The following GPC6 variants were observed in gnomAD, a reference collection of about 807,000 sequenced individuals.
GPC6 encodes the protein glypican 6.
Under a neutral mutation model 55.2 loss-of-function variants are expected in GPC6, and 14 were observed. The ratio of observed to expected loss-of-function variants is 0.25; its 90% CI spans 0.17 to 0.40. The LOEUF is 0.40. GPC6 is among the 10% of genes least tolerant of loss of function. The pLI is 1.00. For synonymous variants in GPC6, 278 were observed against 259.6 expected (o/e 1.07, Z -0.68); for missense variants, 641 against 708.5 (o/e 0.90, Z 1.08).
At chr13:94,087,259 C>A (rs1406904094) in intron 4 of GPC6, among the ~76,000 whole-genome samples, 1 of 152,142 alleles carries the variant, frequency 6.6e-6, no homozygotes, top group Non-Finnish European at 1.5e-5. Flanking sequence ...AGGGCGGAGA[C>A]CTGCAAGCCA....
At chr13:93,375,280 G>T (rs1464489777) in intron 1 of GPC6, among the ~76,000 whole-genome samples, 1 of 152,182 alleles carries the variant, frequency 6.6e-6, no homozygotes, top group African/African-American at 2.4e-5. Flanking sequence ...GCCTTTGTGT[G>T]CGGTAATGTA....
intron 2 of GPC6, among the ~76,000 whole-genome samples, chr13:93,614,891 T>C (rs1878649887): frequency 6.6e-6 from 1 of 152,108 alleles, no homozygotes; most frequent in Non-Finnish European, 1.5e-5. Flanking sequence ...TCTTGCTCAT[T>C]GCTTTTTTTT....
chr13:94,353,274 G>C (rs1278272038), intron 6 of GPC6, among the ~76,000 whole-genome samples: 1 of 151,926 alleles, frequency 6.6e-6, no homozygotes, highest in Non-Finnish European at 1.5e-5. Context: ...AAATGAGTGC[G>C]GCTTTGCATT....
intron 1 of GPC6, among the ~76,000 whole-genome samples, chr13:93,315,964 A>G (rs1454270988): frequency 6.6e-6 from 1 of 152,048 alleles, no homozygotes; most frequent in Admixed American, 6.6e-5. Flanking sequence ...ACGTTCATAT[A>G]TGTGCTGTCT....
intron 6 of GPC6, among the ~76,000 whole-genome samples, chr13:94,320,572 G>A (rs1044855613): frequency 6.6e-5 from 10 of 152,190 alleles, no homozygotes; most frequent in Admixed American, 1.3e-4. Flanking sequence ...GCTGTATGTG[G>A]TGGGTTAGTG....
At chr13:93,231,316 T>TATATATATATATACATATATATATATAC (rs1260487131) in intron 1 of GPC6, among the ~76,000 whole-genome samples, 1 of 58,142 alleles carries the variant, frequency 1.7e-5, no homozygotes, top group Non-Finnish European at 3.0e-5. Context: ...CCTCATTTCA[T>TATATATATATATACATATATATATATAC]ATATATATAT....
At chr13:93,829,961 T>C (rs1887419863) in intron 2 of GPC6, among the ~76,000 whole-genome samples, 193 bp from the exon 3 acceptor site, 1 of 152,224 alleles carries the variant, frequency 6.6e-6, no homozygotes, top group African/African-American at 2.4e-5. Flanking sequence ...TATTCTGTTT[T>C]GAGTTGTACA....
At chr13:93,581,894 A>C (rs892242843) in intron 2 of GPC6, among the ~76,000 whole-genome samples, 1 of 152,130 alleles carries the variant, frequency 6.6e-6, no homozygotes, top group African/African-American at 2.4e-5. Context: ...TCAATTCTAG[A>C]AGAGAGGCAT....
At chr13:93,991,242 AAGT>A (rs1455266566) in intron 3 of GPC6, among the ~76,000 whole-genome samples, 5 of 152,174 alleles carry the variant, frequency 3.3e-5, no homozygotes, top group African/African-American at 9.6e-5. Context: ...AAAATATTTT[AAGT>A]TTATTCACTC....
intron 3 of GPC6, among the ~76,000 whole-genome samples, chr13:93,973,784 C>T (rs968859263): frequency 3.9e-5 from 6 of 152,060 alleles, no homozygotes; most frequent in African/African-American, 1.4e-4. Context: ...TTCTCCCATC[C>T]AAAACTACAG....
At chr13:93,505,329 C>T (rs1231941406) in intron 1 of GPC6, among the ~76,000 whole-genome samples, 7 of 152,092 alleles carry the variant, frequency 4.6e-5, no homozygotes, top group Non-Finnish European at 1.5e-5. Flanking sequence ...GTTAGGTCCC[C>T]TGTAAGTCTC....
chr13:93,792,747 C>T (rs778520108), intron 2 of GPC6, among the ~76,000 whole-genome samples: 1 of 152,128 alleles, frequency 6.6e-6, no homozygotes, highest in Non-Finnish European at 1.5e-5. Flanking sequence ...GATGTGGGAA[C>T]CTGCATCCTA....
chr13:93,762,173 T>C (rs9516285), intron 2 of GPC6, among the ~76,000 whole-genome samples: 31,633 of 152,180 alleles, frequency 0.21, 3,807 homozygotes, highest in Middle Eastern at 0.33. Flanking sequence ...GTAAGGTTCA[T>C]CCATGTTGTC....
In GPC6 at chr13:94,404,779, A is replaced by G. The variant is rs1881301211; in HGVS notation, c.*1562A>G. On this transcript the variant is annotated 3_prime_UTR_variant, in exon 9 of 9. Transcript: ENST00000377047. ...TTCCTGCCTGGCACTTGGATACATT[A>G]CCTAACTCAATAGGCCAGTTTAGAG... 6.6e-6 allele frequency: 1 copy of G among 152,196 alleles called. No homozygotes were observed. Among genetic ancestry groups the G allele is most frequent in the Non-Finnish European group, 1.5e-5 (1 of 68,030 alleles). The allele number at this position is 152,196 out of a possible 1,614,324, so 9.4% of individuals were successfully genotyped here. A position where few individuals can be genotyped will look rare whatever the true frequency, so the allele number is the denominator to read the frequency against.
chr13:93,914,363 C>T (rs1460923932), intron 3 of GPC6, among the ~76,000 whole-genome samples: 1 of 152,138 alleles, frequency 6.6e-6, no homozygotes, highest in Non-Finnish European at 1.5e-5. Flanking sequence ...TGATGGTTTC[C>T]AGCTTCATCC....
At chr13:93,347,815 C>T (rs1880482018) in intron 1 of GPC6, among the ~76,000 whole-genome samples, 2 of 152,150 alleles carry the variant, frequency 1.3e-5, no homozygotes, top group South Asian at 4.1e-4. Flanking sequence ...ACTGAGTCCT[C>T]CCAAAAGCTT....
intron 6 of GPC6, among the ~76,000 whole-genome samples, chr13:94,378,983 ATATTTGTACTAAGAGTGTT>A (rs1880028965): frequency 6.6e-6 from 1 of 152,170 alleles, no homozygotes; most frequent in Non-Finnish European, 1.5e-5. Flanking sequence ...TGTCAGTAAT[ATATTTGTACTAAGAGTGTT>A]TGTTAACATA....
At position 94,286,350 on chromosome 13, in the gene GPC6, T is replaced by A. The variant is rs746441902; in HGVS notation, c.879T>A (p.Asp293Glu). 6.2e-7 allele frequency: 1 copy of A among 1,613,834 alleles called. No individual in the cohort carries two copies. The highest frequency in any genetic ancestry group is 8.5e-7 in the Non-Finnish European group (1 of 1,179,798). Residue 293 changes from aspartate to glutamate, a missense_variant and splice_region_variant, in exon 5 of 9, where the codon GAT becomes GAA. By Grantham distance (45) the Asp-to-Glu change is conservative (BLOSUM62 2). Transcript: ENST00000377047. ...AATCATGTTCCTGTATTTTAACAGATGCAATGCTCTTGGTGGCAGAGCGAC... is the reference window on the plus strand; with the variant it reads ...AATCATGTTCCTGTATTTTAACAGAAGCAATGCTCTTGGTGGCAGAGCGAC... ...DLDTEWNLFI[D>E]AMLLVAERLE...
chr13:94,215,356 G>C (rs1018183198), intron 4 of GPC6, among the ~76,000 whole-genome samples: 1 of 151,886 alleles, frequency 6.6e-6, no homozygotes, highest in Admixed American at 6.6e-5. Flanking sequence ...GGCTTTATCT[G>C]TCCAGGTTTC....
Sources: allele counts gnomAD v4.1 joint callset (sites outside exome capture counted in the v4.1 genomes callset), GRCh38; gene constraint gnomAD v4.1.1; transcripts MANE v1.5; gene names NCBI Gene and HGNC (gene_info 2026-07-23, HGNC 2026-07-21).